The following PDE1A variants were observed in gnomAD, a reference collection of about 807,000 sequenced individuals.
PDE1A encodes phosphodiesterase 1A.
A neutral mutation model predicts 61.7 loss-of-function variants in PDE1A; 35 were observed. The ratio of observed to expected loss-of-function variants is 0.57; its 90% confidence interval spans 0.43 to 0.75. PDE1A has a LOEUF of 0.75. PDE1A is among the 30% of genes least tolerant of loss of function. PDE1A has a pLI of 0.00. For synonymous variants in PDE1A, 232 were observed against 213.2 expected (o/e 1.09, Z -0.77); for missense variants, 597 against 630.6 (o/e 0.95, Z 0.57).
chr2:182,164,899 C>T (rs555986741), downstream of PDE1A, among the ~76,000 whole-genome samples: 1 of 152,248 alleles, frequency 6.6e-6, no homozygotes, highest in African/African-American at 2.4e-5. Context: ...TATGTAATGA[C>T]TTATTCACTG....
At chr2:182,248,014 A>G (rs1423249625) in intron 2 of PDE1A, among the ~76,000 whole-genome samples, 1 of 152,190 alleles carries the variant, frequency 6.6e-6, no homozygotes, top group Non-Finnish European at 1.5e-5. Context: ...TGAAAAAATG[A>G]TGACTGGTAC....
chr2:182,281,319 C>T (rs189073553), intron 1 of PDE1A, among the ~76,000 whole-genome samples: 2 of 151,940 alleles, frequency 1.3e-5, no homozygotes, highest in East Asian at 3.9e-4. Flanking sequence ...GAAAGAAATG[C>T]TAAAGAACGT....
the PDE1A span, among the ~76,000 whole-genome samples, chr2:182,549,471 G>GT: frequency 6.6e-6 from 1 of 152,130 alleles, no homozygotes; most frequent in Non-Finnish European, 1.5e-5. Flanking sequence ...TGCATACAAT[G>GT]TATAGCATAC....
At chr2:182,708,526 G>C in the PDE1A span, among the ~76,000 whole-genome samples, 1 of 152,126 alleles carries the variant, frequency 6.6e-6, no homozygotes, top group African/African-American at 2.4e-5. Flanking sequence ...AAAGGAAGGA[G>C]GTTTAATTGA....
At chr2:182,585,755 C>T in the PDE1A span, among the ~76,000 whole-genome samples, 1 of 152,066 alleles carries the variant, frequency 6.6e-6, no homozygotes, top group African/African-American at 2.4e-5. Flanking sequence ...TCTTTGTTCC[C>T]ATAGATACAG....
chr2:182,270,777 G>T (rs141968520), intron 1 of PDE1A, among the ~76,000 whole-genome samples: 1 of 151,302 alleles, frequency 6.6e-6, no homozygotes, highest in Non-Finnish European at 1.5e-5. Context: ...GCATGAAATC[G>T]CATAAATAGA....
At chr2:182,340,378 T>C (rs947969343) in intron 1 of PDE1A, among the ~76,000 whole-genome samples, 4 of 152,132 alleles carry the variant, frequency 2.6e-5, no homozygotes, top group African/African-American at 9.7e-5. Context: ...GTGAAATGAA[T>C]ACTGAAGAAT....
At chr2:182,420,760 G>T (rs1209846972) in intron 1 of PDE1A, among the ~76,000 whole-genome samples, 2 of 152,188 alleles carry the variant, frequency 1.3e-5, no homozygotes, top group Non-Finnish European at 1.5e-5. Context: ...CTTCAGTGCA[G>T]CTGGCTTGGA....
chr2:182,256,038 C>CTTTTTTTTTTTTTTTTTTT (rs755211798), intron 2 of PDE1A, among the ~76,000 whole-genome samples: 5 of 92,336 alleles, frequency 5.4e-5, no homozygotes, highest in East Asian at 3.3e-4. Context: ...AGGATGACTT[C>CTTTTTTTTTTTTTTTTTTT]TTTTTTTTTT....
At chr2:182,363,437 CAT>C (rs1429261105) in intron 1 of PDE1A, among the ~76,000 whole-genome samples, 4 of 151,676 alleles carry the variant, frequency 2.6e-5, no homozygotes, top group African/African-American at 7.3e-5. Flanking sequence ...AGAAGAGAGA[CAT>C]AGAGTTGATC....
At chr2:182,264,867 GTATATATATACA>G (rs796622896) in intron 1 of PDE1A, among the ~76,000 whole-genome samples, 6 of 34,142 alleles carry the variant, frequency 1.8e-4, no homozygotes, top group African/African-American at 1.2e-3. Flanking sequence ...AGAAAATGTG[GTATATATATACA>G]TATATATATA....
intron 1 of PDE1A, among the ~76,000 whole-genome samples, chr2:182,333,595 A>C (rs1385893574): frequency 6.6e-6 from 1 of 152,206 alleles, no homozygotes; most frequent in Non-Finnish European, 1.5e-5. Context: ...TTAGAGGGAA[A>C]TTTATAGCAC....
chr2:182,660,247 T>G, the PDE1A span, among the ~76,000 whole-genome samples: 5 of 152,134 alleles, frequency 3.3e-5, no homozygotes, highest in Admixed American at 2.0e-4. Flanking sequence ...ATGCAAATAT[T>G]TAGAAAAGAG....
chr2:182,665,747 T>C, the PDE1A span, among the ~76,000 whole-genome samples: 20 of 152,154 alleles, frequency 1.3e-4, no homozygotes, highest in African/African-American at 3.6e-4. Context: ...AATCACTCCA[T>C]TATAAAGATA....
intron 1 of PDE1A, among the ~76,000 whole-genome samples, chr2:182,325,783 G>A (rs892809604): frequency 1.3e-5 from 2 of 152,112 alleles, no homozygotes; most frequent in Non-Finnish European, 2.9e-5. Flanking sequence ...GCCTGGCATG[G>A]TGGTGTGCAT....
Position 182,262,684 on chromosome 2 carries a change from A to G in PDE1A, c.167+1617T>C, listed in dbSNP as rs552480233. On this transcript the variant is annotated intron_variant, in intron 2 of 13. Transcript: ENST00000351439. ...AGCTCTCAATATGGCCTCTTCTGCC[A>G]GCTATTAGTAAAAATTCTCATTGTC... 3.3e-5 allele frequency among the ~76,000 whole-genome samples: 5 copies of G among 152,310 alleles called. No individual in the cohort carries two copies. The East Asian group carries it at 9.6e-4, about 29-fold the overall frequency.
intron 1 of PDE1A, among the ~76,000 whole-genome samples, chr2:182,343,492 T>C (rs1045665154): frequency 1.3e-5 from 2 of 152,346 alleles, no homozygotes. Flanking sequence ...TAGTATAATA[T>C]GTTTCTTCTA....
At chr2:182,263,729 G>C (rs1193747524) in intron 2 of PDE1A, among the ~76,000 whole-genome samples, 1 of 152,150 alleles carries the variant, frequency 6.6e-6, no homozygotes, top group African/African-American at 2.4e-5. Context: ...GCCTCTTTGA[G>C]GGTCACAGCA....
intron 2 of PDE1A, among the ~76,000 whole-genome samples, chr2:182,514,959 C>T (rs1453422239): frequency 1.3e-5 from 2 of 152,288 alleles, no homozygotes; most frequent in Non-Finnish European, 2.9e-5. Flanking sequence ...TAGCCACACA[C>T]CCAAACCATG....
Sources: gnomAD v4.1 joint callset for allele counts (sites outside exome capture counted in the v4.1 genomes callset) on GRCh38, gnomAD v4.1.1 for gene constraint, MANE v1.5 for transcripts, NCBI Gene and HGNC (gene_info 2026-07-23, HGNC 2026-07-21) for gene names.